The following ME3 variants were observed in gnomAD, a reference collection of about 807,000 sequenced individuals.
The protein encoded by ME3 is NADP-dependent malic enzyme, mitochondrial.
A neutral mutation model predicts 68.9 loss-of-function variants in ME3; 48 were observed. The observed-to-expected ratio is 0.70, with a 90% confidence interval of 0.55 to 0.89. The LOEUF (loss-of-function observed/expected upper bound fraction) is 0.89. Among genes scored for constraint, ME3 ranks in the 40% least tolerant of loss-of-function variants. The probability of loss-of-function intolerance (pLI) is 0.00; values close to 1 mark genes in which losing one functional copy is unlikely to be tolerated. For synonymous variants in ME3, 320 were observed against 318.8 expected (o/e 1.00, Z -0.04); for missense variants, 675 against 797.4 (o/e 0.85, Z 1.85).
At chr11:86,566,279 C>T (rs1957476042) in intron 2 of ME3, among the ~76,000 whole-genome samples, 1 of 152,148 alleles carries the variant, frequency 6.6e-6, no homozygotes, top group Non-Finnish European at 1.5e-5. Flanking sequence ...TATACTGAGT[C>T]CCAAATAATG....
chr11:86,473,396 G>A (rs1594094531), intron 7 of ME3, among the ~76,000 whole-genome samples: 2 of 152,280 alleles, frequency 1.3e-5, no homozygotes, highest in Non-Finnish European at 2.9e-5. Context: ...TGGAAGGGGA[G>A]GAAATGTTGG....
At chr11:86,606,716 A>C (rs1832621371) in intron 2 of ME3, among the ~76,000 whole-genome samples, 1 of 152,218 alleles carries the variant, frequency 6.6e-6, no homozygotes, top group South Asian at 2.1e-4. Flanking sequence ...CTCCCAGTAC[A>C]GAAAAGTGGA....
chr11:86,446,340 C>T (rs1256785543), exon 13 of ME3: 3 of 1,614,162 alleles, frequency 1.9e-6, no homozygotes, highest in Non-Finnish European at 2.5e-6. Flanking sequence ...AAGATCTCAT[C>T]TGGGATGTGC....
chr11:86,569,949 A>G (rs967064072), intron 2 of ME3, among the ~76,000 whole-genome samples: 2 of 152,170 alleles, frequency 1.3e-5, no homozygotes, highest in Admixed American at 1.3e-4. Flanking sequence ...AGTTTTTTTG[A>G]TTAGGGATGT....
the ME3 span, chr11:86,435,132 A>G: frequency 6.6e-6 from 1 of 152,384 alleles, no homozygotes; most frequent in South Asian, 2.1e-4. Context: ...ATATTTGATT[A>G]TAAACCCATT....
At chr11:86,641,240 A>T (rs975618736) in intron 2 of ME3, among the ~76,000 whole-genome samples, 3 of 152,216 alleles carry the variant, frequency 2.0e-5, no homozygotes, top group African/African-American at 7.2e-5. Context: ...AGAAAACAGC[A>T]GCAAAATTAA....
At chr11:86,629,169 T>A (rs1344354454) in intron 2 of ME3, among the ~76,000 whole-genome samples, 1 of 152,200 alleles carries the variant, frequency 6.6e-6, no homozygotes, top group African/African-American at 2.4e-5. Flanking sequence ...ACTGGAGCCC[T>A]GCTATCTTTC....
exon 14 of ME3, chr11:86,442,850 G>T: frequency 6.2e-7 from 1 of 1,613,246 alleles, no homozygotes; most frequent in South Asian, 1.1e-5. Flanking sequence ...GACACGTCTC[G>T]GATGGTGCTG....
intron 2 of ME3, among the ~76,000 whole-genome samples, chr11:86,632,643 A>G (rs1404556451): frequency 6.6e-6 from 1 of 152,182 alleles, no homozygotes; most frequent in Non-Finnish European, 1.5e-5. Flanking sequence ...TTCTCTGGCC[A>G]TATGTTGGAG....
rs1025074163 is a variant in ME3 at position 86,589,134 on chromosome 11, G to C, written c.184-29311C>G. On this transcript the variant is annotated intron_variant, in intron 2 of 14. Transcript: ENST00000543262. ...AGCCTTATTTTGGGTGCAGACTGGA[G>C]AATCAACTGCCCTTTCCTTTCTTGG... Among the ~76,000 whole-genome samples the C allele has an allele frequency of 1.5e-4, 23 of 152,290 alleles. No homozygotes were observed. The South Asian group carries it at 1.7e-3, about 11-fold the overall frequency.
chr11:86,521,423 C>CAAAA (rs201957441), intron 4 of ME3, among the ~76,000 whole-genome samples: 250 of 85,856 alleles, frequency 2.9e-3, no homozygotes, highest in African/African-American at 0.011. Flanking sequence ...CAAAACAAAA[C>CAAAA]AAAACAAAAA....
intron 14 of ME3, among the ~76,000 whole-genome samples, chr11:86,442,191 T>G (rs1177413267): frequency 6.6e-6 from 1 of 152,208 alleles, no homozygotes. Flanking sequence ...ATGTTCTGAT[T>G]CTTTGAAAAC....
chr11:86,515,569 C>T (rs1402988702), intron 4 of ME3, among the ~76,000 whole-genome samples: 1 of 152,152 alleles, frequency 6.6e-6, no homozygotes, highest in African/African-American at 2.4e-5. Flanking sequence ...GGCAAATTTG[C>T]AAAATCTCTG....
At chr11:86,647,955 A>C (rs1433788910) in intron 2 of ME3, among the ~76,000 whole-genome samples, 1 of 152,216 alleles carries the variant, frequency 6.6e-6, no homozygotes, top group African/African-American at 2.4e-5. Flanking sequence ...CAGAATATAC[A>C]TTCTTCTCAG....
chr11:86,516,124 A>T (rs1399218041), intron 4 of ME3, among the ~76,000 whole-genome samples: 2 of 152,196 alleles, frequency 1.3e-5, no homozygotes, highest in African/African-American at 4.8e-5. Flanking sequence ...CTTGCTTTTA[A>T]TAGCCATTAA....
chr11:86,603,645 C>T (rs1961107620), intron 2 of ME3, among the ~76,000 whole-genome samples: 1 of 152,068 alleles, frequency 6.6e-6, no homozygotes, highest in Non-Finnish European at 1.5e-5. Flanking sequence ...CACATGCATA[C>T]ATATGTTTAT....
intron 2 of ME3, among the ~76,000 whole-genome samples, chr11:86,566,049 G>A (rs1259643985): frequency 1.6e-5 from 2 of 128,284 alleles, no homozygotes; most frequent in African/African-American, 5.9e-5. Context: ...CTGCTGGAGT[G>A]AGGGCTGCCC....
chr11:86,642,333 C>T (rs539214), intron 2 of ME3, among the ~76,000 whole-genome samples: 137,944 of 152,288 alleles, frequency 0.91, 62,547 homozygotes, highest in Middle Eastern at 0.98. Flanking sequence ...TTTGTGATTG[C>T]GGGCAGTGAT....
chr11:86,648,341 T>C (rs1010218966), intron 2 of ME3, among the ~76,000 whole-genome samples: 2 of 152,116 alleles, frequency 1.3e-5, no homozygotes, highest in African/African-American at 4.8e-5. Flanking sequence ...AAGAGGAAAA[T>C]TTGTAGCCCT....
Sources: gnomAD v4.1 joint callset for allele counts (sites outside exome capture counted in the v4.1 genomes callset) on GRCh38, gnomAD v4.1.1 for gene constraint, MANE v1.5 for transcripts, NCBI Gene and HGNC (gene_info 2026-07-23, HGNC 2026-07-21) for gene names.